TBL1X: variants seen among roughly 807,000 people sequenced by gnomAD.
TBL1X encodes transducin beta like 1 X-linked, also known as F-box-like/WD repeat-containing protein TBL1X.
In TBL1X, 10 loss-of-function variants were observed where a neutral mutation model predicts 50.7. The observed-to-expected ratio is 0.20, with a 90% CI of 0.12 to 0.33. TBL1X has a LOEUF of 0.33. Among genes scored for constraint, TBL1X ranks in the 10% least tolerant of loss-of-function variants. The pLI is 1.00. For synonymous variants in TBL1X, 190 were observed against 214.7 expected (o/e 0.88, Z 1.01); for missense variants, 340 against 504.4 (o/e 0.67, Z 3.12).
chrX:9,567,272 G>A (rs1003294505), intron 2 of TBL1X, among the ~76,000 whole-genome samples: 1 of 111,746 alleles, frequency 8.9e-6, no homozygotes, highest in Non-Finnish European at 1.9e-5. Context: ...GGTGGAGAGT[G>A]TAGGCTGGTG....
rs1481174096 is a variant in TBL1X at position 9,692,169 on chromosome X, C to G, written c.806C>G (p.Ser269Cys). The G allele has an allele frequency of 8.3e-7, 1 of 1,210,912 alleles. No homozygotes were observed. Among genetic ancestry groups the G allele is most frequent in the East Asian group, 3.0e-5 (1 of 33,801 alleles). The change falls in exon 9 of 18, where the codon TCC becomes TGC. Residue 269 changes from serine (S) to cysteine (C), a missense_variant. This residue lies in a region of TBL1X where 170 missense variants were observed against 272.6 expected (regional missense o/e 0.62). Transcript: ENST00000645353. ...CTGAATGAGAATAGCAACGGGGGCT[C>G]CACCCAGCTCGTGTTGAGGCACTGT... Reference protein sequence around the residue: ...WNLNENSNGGSTQLVLRHCIR... With the variant: ...WNLNENSNGGCTQLVLRHCIR...
rs386416596 is a variant in TBL1X at position 9,500,276 on chromosome X, C to CAAA, written c.-200-1486_-200-1484dup. Among the ~76,000 whole-genome samples, 124 of 39,715 alleles carry CAAA rather than the reference C, an allele frequency of 3.1e-3. 3 individuals carry two copies. Among genetic ancestry groups the CAAA allele is most frequent in the Admixed American group, 3.7e-3 (9 of 2,462 alleles). 34.5% of individuals were successfully genotyped at this position (39,715 alleles called of 115,157 possible). A position where few individuals can be genotyped will look rare whatever the true frequency, so the allele number is the denominator to read the frequency against. On this transcript the variant is annotated intron_variant, in intron 1 of 17. Transcript: ENST00000645353. ...TGGACAGCAAAGGAAGACCCTGTCT[C>CAAA]AAAAAAAAAAAAAAAAAAAAGCAAG...
chrX:9,492,866 T>TAG (rs1490850451), intron 1 of TBL1X, among the ~76,000 whole-genome samples: 1 of 48,869 alleles, frequency 2.0e-5, no homozygotes, highest in Non-Finnish European at 3.7e-5. Flanking sequence ...TGTGTGTGTG[T>TAG]GTGTGTGTGT....
intron 2 of TBL1X, among the ~76,000 whole-genome samples, chrX:9,543,416 G>C (rs755600891): frequency 9.0e-6 from 1 of 111,349 alleles, no homozygotes; most frequent in Non-Finnish European, 1.9e-5. Flanking sequence ...AATCAGATGG[G>C]TATTTTCCTG....
intron 2 of TBL1X, among the ~76,000 whole-genome samples, chrX:9,506,090 TGACA>T (rs750632270): frequency 4.4e-5 from 5 of 112,531 alleles, no homozygotes; most frequent in African/African-American, 1.3e-4. Flanking sequence ...ACTGAAATCA[TGACA>T]GACAGTCTCT....
chrX:9,555,931 G>C (rs2082295461), intron 2 of TBL1X, among the ~76,000 whole-genome samples: 1 of 111,288 alleles, frequency 9.0e-6, no homozygotes, highest in Non-Finnish European at 1.9e-5. Context: ...CTTACACTTG[G>C]AATCCCAGCA....
chrX:9,535,552 A>G (rs1026893828), intron 2 of TBL1X, among the ~76,000 whole-genome samples: 1 of 112,597 alleles, frequency 8.9e-6, no homozygotes, highest in African/African-American at 3.2e-5. Flanking sequence ...GAGAGTCAGC[A>G]CAAACTTCTA....
chrX:9,584,371 A>G (rs145046709), intron 2 of TBL1X, among the ~76,000 whole-genome samples: 89 of 112,633 alleles, frequency 7.9e-4, no homozygotes, highest in Non-Finnish European at 1.3e-3. Flanking sequence ...AAAAAGCATA[A>G]TTCTGTATAT....
intron 2 of TBL1X, among the ~76,000 whole-genome samples, chrX:9,629,648 C>G (rs1000146027): frequency 9.0e-6 from 1 of 111,236 alleles, no homozygotes; most frequent in Non-Finnish European, 1.9e-5. Context: ...GGCTCATGTA[C>G]TTGTTCATGA....
intron 2 of TBL1X, among the ~76,000 whole-genome samples, chrX:9,556,975 A>C (rs2082304079): frequency 1.8e-5 from 2 of 110,773 alleles, no homozygotes; most frequent in Non-Finnish European, 3.8e-5. Flanking sequence ...TTCTGTTAAA[A>C]CCACTCTTAT....
intron 2 of TBL1X, among the ~76,000 whole-genome samples, chrX:9,506,909 G>A (rs1433217690): frequency 1.8e-5 from 2 of 111,781 alleles, no homozygotes; most frequent in Non-Finnish European, 3.8e-5. Context: ...TGAAAAGGAA[G>A]GACTCCTCCC....
At chrX:9,613,849 G>A (rs2146561492) in intron 2 of TBL1X, among the ~76,000 whole-genome samples, 1 of 108,989 alleles carries the variant, frequency 9.2e-6, no homozygotes, top group African/African-American at 3.3e-5. Context: ...AGCCGGGCAT[G>A]GTGGGGCATG....
intron 2 of TBL1X, among the ~76,000 whole-genome samples, chrX:9,554,150 G>A (rs756612713): frequency 8.9e-6 from 1 of 112,335 alleles, no homozygotes; most frequent in Non-Finnish European, 1.9e-5. Flanking sequence ...CAAAGTGCTG[G>A]GATTAGGGGC....
chrX:9,600,469 C>CGGGGG (rs1236527927), intron 2 of TBL1X, among the ~76,000 whole-genome samples: 40 of 11,278 alleles, frequency 3.5e-3, no homozygotes, highest in South Asian at 0.01. Flanking sequence ...ATTTGGTGGG[C>CGGGGG]GGGGGGGGGG....
At chrX:9,474,185 C>T (rs1219925547) in intron 1 of TBL1X, among the ~76,000 whole-genome samples, 1 of 112,770 alleles carries the variant, frequency 8.9e-6, no homozygotes, top group Non-Finnish European at 1.9e-5. Context: ...ATTTCTTGTC[C>T]ATGAAATGCA....
intron 2 of TBL1X, among the ~76,000 whole-genome samples, chrX:9,611,192 C>T (rs2082611784): frequency 8.9e-6 from 1 of 112,260 alleles, no homozygotes; most frequent in Non-Finnish European, 1.9e-5. Context: ...GGATGACTTT[C>T]AGTCTGAACT....
chrX:9,640,964 A>G (rs1199234326), intron 3 of TBL1X, among the ~76,000 whole-genome samples: 1 of 112,035 alleles, frequency 8.9e-6, no homozygotes, highest in Non-Finnish European at 1.9e-5. Flanking sequence ...TGAAGGAGCT[A>G]TAACAAATTT....
intron 2 of TBL1X, among the ~76,000 whole-genome samples, chrX:9,606,176 T>C (rs1324517530): frequency 9.0e-6 from 1 of 111,647 alleles, no homozygotes; most frequent in Admixed American, 9.5e-5. Flanking sequence ...GCAACAATTC[T>C]CTTGGTCCTG....
Position 9,691,508 on chromosome X carries a change from A to G in TBL1X, c.617-71A>G. On this transcript the variant is annotated intron_variant, in intron 7 of 17. Coordinates refer to ENST00000645353, the MANE Select transcript of TBL1X (RefSeq NM_005647.4). Reference sequence around the variant, plus strand: ...GTACATAAAAAAAATGTTTCTGGAAACAAAAGAGCCCTTTAAGTGTGTTTC... The same window carrying G: ...GTACATAAAAAAAATGTTTCTGGAAGCAAAAGAGCCCTTTAAGTGTGTTTC... The G allele has an allele frequency of 1.0e-5, 11 of 1,103,455 alleles. No homozygotes were observed. The South Asian group carries it at 1.4e-4, about 14-fold the overall frequency. The allele number at this position is 1,103,455 out of a possible 1,213,427, so 90.9% of individuals were successfully genotyped here.
Sources: gnomAD v4.1 joint callset for allele counts (sites outside exome capture counted in the v4.1 genomes callset) on GRCh38, gnomAD v4.1.1 for gene constraint, gnomAD v4.1.1 regional missense constraint, MANE v1.5 for transcripts, NCBI Gene and HGNC (gene_info 2026-07-23, HGNC 2026-07-21) for gene names.